MTHFD2: variants seen among roughly 807,000 people sequenced by gnomAD.
MTHFD2 encodes the protein bifunctional methylenetetrahydrofolate dehydrogenase/cyclohydrolase, mitochondrial.
MTHFD2 carries 26 observed loss-of-function variants against 36.8 expected under a neutral mutation model. The ratio of observed to expected loss-of-function variants is 0.71; its 90% CI spans 0.52 to 0.98. The LOEUF is 0.98. MTHFD2 is among the 50% of genes least tolerant of loss of function. MTHFD2 has a pLI of 0.00. For missense variants in MTHFD2, 373 were observed against 434.0 expected (o/e 0.86, Z 1.25); for synonymous variants, 164 against 155.2 (o/e 1.06, Z -0.42).
intron 7 of MTHFD2, 148 bp downstream of exon 7, chr2:74,212,014 A>G (rs1433866061): frequency 1.9e-5 from 12 of 620,098 alleles, no homozygotes; most frequent in Non-Finnish European, 2.8e-5. Context: ...CAGTGGCGCG[A>G]TCTCGGCTCA....
intron 1 of MTHFD2, among the ~76,000 whole-genome samples, chr2:74,201,430 T>C (rs1572982685): frequency 6.6e-6 from 1 of 152,058 alleles, no homozygotes; most frequent in East Asian, 1.9e-4. Flanking sequence ...CAATCACGGC[T>C]TACTGCAGCC....
At position 74,209,133 on chromosome 2, in the gene MTHFD2, G is replaced by C. The variant is rs139771518; in HGVS notation, c.562+412G>C. Reference sequence around the variant, plus strand: ...TGATCCGCCCCCTCAGCCTCCCAGAGTGCTGGGATTATAGGCATGAGCCAT... The same window carrying C: ...TGATCCGCCCCCTCAGCCTCCCAGACTGCTGGGATTATAGGCATGAGCCAT... On this transcript the variant is annotated intron_variant, in intron 4 of 7. Coordinates refer to ENST00000394053, the MANE Select transcript of MTHFD2 (RefSeq NM_006636.4). 3.9e-3 allele frequency among the ~76,000 whole-genome samples: 594 copies of C among 152,236 alleles called. 3 individuals carry two copies. Among genetic ancestry groups the C allele is most frequent in the African/African-American group, 0.014 (569 of 41,530 alleles).
At chr2:74,205,654 T>A (rs1694158134) in intron 1 of MTHFD2, 51 bp from the exon 2 acceptor site, 1 of 1,578,068 alleles carries the variant, frequency 6.3e-7, no homozygotes, top group Non-Finnish European at 8.6e-7. Flanking sequence ...GAGTTTTAGT[T>A]TTTATAAAAA....
intron 4 of MTHFD2, 140 bp from the exon 5 acceptor site, chr2:74,209,802 T>A (rs1558856137): frequency 3.7e-6 from 2 of 546,518 alleles, no homozygotes; most frequent in Non-Finnish European, 6.4e-6. Flanking sequence ...TCTCCTGTTT[T>A]CTTTTAGCCC....
At position 74,214,639 on chromosome 2, in the gene MTHFD2, C is replaced by G. The variant is rs921637682; in HGVS notation, c.*397C>G. 6.5e-6 allele frequency: 1 copy of G among 153,094 alleles called. No individual in the cohort carries two copies. Among genetic ancestry groups the G allele is most frequent in the African/African-American group, 2.4e-5 (1 of 41,380 alleles). The allele number at this position is 153,094 out of a possible 1,614,324, so 9.5% of individuals were successfully genotyped here. A position where few individuals can be genotyped will look rare whatever the true frequency, so the allele number is the denominator to read the frequency against. ...ACCAAACCTTTTGAGTTCAACTGAT[C>G]AAACCAAAGGAAAAGTGTTGCTAGA... On this transcript the variant is annotated 3_prime_UTR_variant, in exon 8 of 8. Transcript: ENST00000394053.
rs550446335 is a variant in MTHFD2, at chr2:74,198,973, A to C, written c.101+231A>C. The stretch of plus-strand genomic sequence containing the variant: ...CTGGTACCCGAAGCCCGCCTTTCGG[A>C]GGGAGCCGCTCTCCTGCGACTCGGG... On this transcript the variant is annotated intron_variant, in intron 1 of 7. Coordinates refer to ENST00000394053, the MANE Select transcript of MTHFD2 (RefSeq NM_006636.4). Among the ~76,000 whole-genome samples the C allele has an allele frequency of 1.1e-3, 171 of 151,738 alleles. 1 individual carries two copies. The highest frequency in any genetic ancestry group is 4.0e-3 in the African/African-American group (164 of 41,306).
In MTHFD2 at chr2:74,216,377, A is replaced by G. The variant is rs1694444888; in HGVS notation, c.*2135A>G. The G allele has an allele frequency of 6.6e-6, 1 of 152,262 alleles. No individual in the cohort carries two copies. Among genetic ancestry groups the G allele is most frequent in the East Asian group, 1.9e-4 (1 of 5,200 alleles). The allele number at this position is 152,262 out of a possible 1,614,324, so 9.4% of individuals were successfully genotyped here. A position where few individuals can be genotyped will look rare whatever the true frequency, so the allele number is the denominator to read the frequency against. On this transcript the variant is annotated 3_prime_UTR_variant, in exon 8 of 8. Coordinates refer to ENST00000394053, the MANE Select transcript of MTHFD2 (RefSeq NM_006636.4). ...ATGTTCATGTATATACAAAATATAA[A>G]TGACATGTAAGGTAAAATTACAGTG...
chr2:74,214,310 A>C lies in MTHFD2; in HGVS notation c.*68A>C. The C allele has an allele frequency of 6.6e-7, 1 of 1,509,236 alleles. No homozygotes were observed. The highest frequency in any genetic ancestry group is 9.0e-7 in the Non-Finnish European group (1 of 1,113,956). 93.5% of individuals were successfully genotyped at this position (1,509,236 alleles called of 1,614,324 possible). ...CAAGAAGCAAAGCAGGCCAATAGAA[A>C]TGCAATATTTTTAATTTATTCTACT... On this transcript the variant is annotated 3_prime_UTR_variant, in exon 8 of 8. Coordinates refer to ENST00000394053, the MANE Select transcript of MTHFD2 (RefSeq NM_006636.4).
chr2:74,211,496 C>T (rs1465958379), intron 6 of MTHFD2: 1 of 475,188 alleles, frequency 2.1e-6, no homozygotes, highest in Non-Finnish European at 3.6e-6. Context: ...AATGTTATTC[C>T]TAAAGCTTCA....
chr2:74,213,440 C>G (rs1694356104), intron 7 of MTHFD2, among the ~76,000 whole-genome samples: 1 of 151,760 alleles, frequency 6.6e-6, no homozygotes, highest in Non-Finnish European at 1.5e-5. Context: ...CCTCACTTGG[C>G]TAATTTTTGT....
rs1446118402 is a variant in MTHFD2 at position 74,205,887 on chromosome 2, T to G, written c.284T>G (p.Val95Gly). 6.2e-7 allele frequency: 1 copy of G among 1,612,824 alleles called. No individual in the cohort carries two copies. The highest frequency in any genetic ancestry group is 1.3e-5 in the African/African-American group (1 of 74,800). Residue 95 changes from valine (V) to glycine (G), a missense_variant and splice_region_variant, in exon 2 of 8, where the codon GTG (valine) becomes GGG (glycine). This residue lies in a region of MTHFD2 where 308 missense variants were observed against 397.8 expected (regional missense o/e 0.77). Transcript: ENST00000394053. ...VLNKTRAAAV[V>G]GINSETIMKP... ...AACAAAACCAGGGCAGCTGCAGTTGTGGGTATGTGTCCTTCTGAGACCTCG... is the reference window on the plus strand; with the variant it reads ...AACAAAACCAGGGCAGCTGCAGTTGGGGGTATGTGTCCTTCTGAGACCTCG...
chr2:74,198,805 GCCGGGC>G, intron 1 of MTHFD2, 63 bp downstream of exon 1: 1 of 1,421,958 alleles, frequency 7.0e-7, no homozygotes, highest in South Asian at 1.3e-5. Flanking sequence ...CGAGGGGCAC[GCCGGGC>G]CCCCGAGGGA....
chr2:74,200,210 G>C (rs1402260840), intron 1 of MTHFD2, among the ~76,000 whole-genome samples: 2 of 152,130 alleles, frequency 1.3e-5, no homozygotes, highest in East Asian at 3.8e-4. Flanking sequence ...CCCTCTTCCT[G>C]AGTGCTGGCC....
At chr2:74,198,995 C>G (rs1693974577) in intron 1 of MTHFD2, among the ~76,000 whole-genome samples, 1 of 152,276 alleles carries the variant, frequency 6.6e-6, no homozygotes, top group East Asian at 1.9e-4. Flanking sequence ...TCCTGCGACT[C>G]GGGGCGTCGC....
rs1418748556 is a variant in MTHFD2, at chr2:74,208,613, A to G, written c.454A>G (p.Lys152Glu). 1 of 1,614,096 alleles carries G rather than the reference A, an allele frequency of 6.2e-7. No homozygotes were observed. The highest frequency in any genetic ancestry group is 1.3e-5 in the African/African-American group (1 of 74,938). Residue 152 changes from lysine (K) to glutamate (E), a missense_variant, in exon 4 of 8, where the codon AAG (lysine) becomes GAG (glutamate). Transcript: ENST00000394053. Reference protein sequence around the residue: ...RRICNAVSPDKDVDGFHVINV... With the variant: ...RRICNAVSPDEDVDGFHVINV... ...GATCTGCAATGCTGTTTCTCCAGAC[A>G]AGGATGTTGATGGCTTTCATGTAAT...
At chr2:74,206,062 G>T in intron 2 of MTHFD2, 173 bp downstream of exon 2, 1 of 610,800 alleles carries the variant, frequency 1.6e-6, no homozygotes, top group South Asian at 2.3e-5. Flanking sequence ...ATCTTTCGGG[G>T]TTTATACAGT....
chr2:74,208,913 A>T (rs1389602968), intron 4 of MTHFD2, among the ~76,000 whole-genome samples, 192 bp downstream of exon 4: 5 of 151,646 alleles, frequency 3.3e-5, no homozygotes, highest in Non-Finnish European at 2.9e-5. Flanking sequence ...TTGCTCTGTC[A>T]CCCAGGCTGG....
Position 74,205,831 on chromosome 2 carries a change from C to A in MTHFD2, c.228C>A (p.Gly76=), listed in dbSNP as rs200039800. 5.3e-4 allele frequency: 853 copies of A among 1,613,702 alleles called. 14 individuals are homozygous for A. The South Asian group carries it at 7.6e-3, about 14-fold the overall frequency. ...KRPHLSVILV[G]ENPASHSYVL... Reference sequence around the variant, plus strand: ...CACACCTGAGTGTGATCCTGGTTGGCGAGAATCCTGCAAGTCACTCCTATG... The same window carrying A: ...CACACCTGAGTGTGATCCTGGTTGGAGAGAATCCTGCAAGTCACTCCTATG... Residue 76 remains glycine (G), a synonymous_variant, in exon 2 of 8, where the codon GGC becomes GGA. Coordinates refer to ENST00000394053, the MANE Select transcript of MTHFD2 (RefSeq NM_006636.4).
At chr2:74,207,957 A>T in intron 3 of MTHFD2, 131 bp downstream of exon 3, 2 of 953,140 alleles carry the variant, frequency 2.1e-6, no homozygotes, top group Non-Finnish European at 3.1e-6. Flanking sequence ...CACCCAGGCT[A>T]GAGTGCAATG....
Sources: allele counts gnomAD v4.1 joint callset (sites outside exome capture counted in the v4.1 genomes callset), GRCh38; gene constraint gnomAD v4.1.1; regional missense constraint gnomAD v4.1.1; transcripts MANE v1.5; gene names NCBI Gene and HGNC (gene_info 2026-07-23, HGNC 2026-07-21).